PABPC4L: variants seen among roughly 807,000 people sequenced by gnomAD.
PABPC4L encodes the protein poly(A) binding protein cytoplasmic 4 like, also known as polyadenylate-binding protein 4-like.
For missense variants in PABPC4L, 452 were observed against 451.4 expected (o/e 1.00, Z -0.01); for synonymous variants, 169 against 164.1 (o/e 1.03, Z -0.23).
In PABPC4L at chr4:134,200,296, C is replaced by G. The variant is rs1729811687; in HGVS notation, c.724G>C (p.Ala242Pro). ...FGFVSFDSHEAAKKAVEEMNG... is the reference protein window; with the variant it reads ...FGFVSFDSHEPAKKAVEEMNG... ...ATTTCTTCAACAGCTTTCTTGGCAG[C>G]CTCATGGCTATCAAAACTCACAAAG... is the stretch of plus-strand genomic sequence containing the variant. The change falls in exon 2 of 2, where the codon GCT becomes CCT. Residue 242 changes from alanine to proline, a missense_variant. Physicochemically the swap from Ala to Pro is conservative, Grantham distance 27. Transcript: ENST00000421491. 11 of 1,580,798 alleles carry G rather than the reference C, an allele frequency of 7.0e-6. No individual in the cohort carries two copies. Among genetic ancestry groups the G allele is most frequent in the Non-Finnish European group, 9.5e-6 (11 of 1,161,970 alleles).
At chr4:134,017,501 G>T in the PABPC4L span, among the ~76,000 whole-genome samples, 1 of 152,144 alleles carries the variant, frequency 6.6e-6, no homozygotes, top group South Asian at 2.1e-4. Flanking sequence ...GGTTTACACT[G>T]TTTCTCCAAG....
chr4:134,026,949 C>A, the PABPC4L span, among the ~76,000 whole-genome samples: 1 of 151,936 alleles, frequency 6.6e-6, no homozygotes, highest in Non-Finnish European at 1.5e-5. Flanking sequence ...ATACCTTGAT[C>A]TAGAATTCCC....
chr4:134,113,007 T>C, the PABPC4L span, among the ~76,000 whole-genome samples: 1 of 151,714 alleles, frequency 6.6e-6, no homozygotes, highest in Non-Finnish European at 1.5e-5. Context: ...TTTTAGTTTT[T>C]AACAAAAAAG....
At chr4:134,078,401 T>C in the PABPC4L span, among the ~76,000 whole-genome samples, 85 of 152,298 alleles carry the variant, frequency 5.6e-4, no homozygotes, top group Admixed American at 4.6e-3. Context: ...AGGAAAGTGG[T>C]TATTCAAAAA....
the PABPC4L span, among the ~76,000 whole-genome samples, chr4:134,161,952 G>A: frequency 3.3e-5 from 5 of 152,170 alleles, no homozygotes; most frequent in South Asian, 1.0e-3. Context: ...GCTTTCTCTT[G>A]TTTGTGTGTT....
At chr4:133,955,975 A>G in the PABPC4L span, among the ~76,000 whole-genome samples, 9 of 152,150 alleles carry the variant, frequency 5.9e-5, no homozygotes, top group African/African-American at 2.2e-4. Context: ...GCTCTTAATC[A>G]GCCCTTTGGT....
chr4:134,026,304 C>T, the PABPC4L span, among the ~76,000 whole-genome samples: 2 of 151,586 alleles, frequency 1.3e-5, no homozygotes, highest in East Asian at 1.9e-4. Flanking sequence ...GGCACAATCT[C>T]GGCTCGCTGC....
At chr4:133,957,605 G>T in the PABPC4L span, among the ~76,000 whole-genome samples, 4 of 152,160 alleles carry the variant, frequency 2.6e-5, no homozygotes, top group African/African-American at 9.6e-5. Flanking sequence ...CTGTGTGGGG[G>T]CTCCAACCCC....
At chr4:134,019,268 AT>A in the PABPC4L span, among the ~76,000 whole-genome samples, 1 of 152,168 alleles carries the variant, frequency 6.6e-6, no homozygotes, top group Non-Finnish European at 1.5e-5. Flanking sequence ...AATTGAAAAC[AT>A]TTACATTTTG....
At chr4:134,011,366 T>C in the PABPC4L span, among the ~76,000 whole-genome samples, 1 of 152,130 alleles carries the variant, frequency 6.6e-6, no homozygotes, top group South Asian at 2.1e-4. Flanking sequence ...AGGATGCTGG[T>C]GTCATATTGT....
At chr4:134,018,810 G>C in the PABPC4L span, among the ~76,000 whole-genome samples, 77 of 152,170 alleles carry the variant, frequency 5.1e-4, no homozygotes, top group East Asian at 0.011. Context: ...TGAGTAAAAA[G>C]TAGGAAACTA....
chr4:133,989,458 T>G, the PABPC4L span, among the ~76,000 whole-genome samples: 1 of 152,220 alleles, frequency 6.6e-6, no homozygotes, highest in Non-Finnish European at 1.5e-5. Flanking sequence ...TGACTTTCAC[T>G]TGATTTCACA....
rs764928054 is a variant in PABPC4L at position 134,201,247 on chromosome 4, T to C, written c.-226-2A>G. On this transcript the variant is annotated splice_acceptor_variant, in intron 1 of 1. Coordinates refer to ENST00000421491, the MANE Select transcript of PABPC4L (RefSeq NM_001114734.2). LOFTEE classifies it low-confidence loss of function (5UTR_SPLICE). ...CCCTCCTAGGACGCGGCAACAGAAC[T>C]GTGAAATCGCAAAGAGAGATTATTA... The C allele has an allele frequency of 6.6e-7, 1 of 1,522,604 alleles. No homozygotes were observed. Among genetic ancestry groups the C allele is most frequent in the Non-Finnish European group, 8.8e-7 (1 of 1,131,780 alleles). The allele number at this position is 1,522,604 out of a possible 1,614,324, so 94.3% of individuals were successfully genotyped here. A position where few individuals can be genotyped will look rare whatever the true frequency, so the allele number is the denominator to read the frequency against.
chr4:133,951,448 G>T, the PABPC4L span, among the ~76,000 whole-genome samples: 2 of 152,036 alleles, frequency 1.3e-5, no homozygotes, highest in Non-Finnish European at 2.9e-5. Context: ...CTGATGCGGG[G>T]TGCTCACTAA....
chr4:134,102,519 C>T, the PABPC4L span, among the ~76,000 whole-genome samples: 1 of 151,452 alleles, frequency 6.6e-6, no homozygotes, highest in Non-Finnish European at 1.5e-5. Context: ...AATGTCCAGT[C>T]AACTTTGGAA....
At chr4:133,948,692 G>C in the PABPC4L span, among the ~76,000 whole-genome samples, 1 of 152,080 alleles carries the variant, frequency 6.6e-6, no homozygotes, top group Non-Finnish European at 1.5e-5. Context: ...CATTCTTTTC[G>C]AATTGGTATT....
the PABPC4L span, among the ~76,000 whole-genome samples, chr4:134,008,111 C>T: frequency 1.3e-5 from 2 of 151,606 alleles, no homozygotes; most frequent in African/African-American, 2.4e-5. Flanking sequence ...TTAAATACAG[C>T]TTTCATGAAC....
the PABPC4L span, among the ~76,000 whole-genome samples, chr4:133,970,971 G>T: frequency 6.6e-6 from 1 of 151,920 alleles, no homozygotes; most frequent in Admixed American, 6.6e-5. Flanking sequence ...ATGATATTTT[G>T]TTATAGTAGC....
the PABPC4L span, among the ~76,000 whole-genome samples, chr4:134,003,593 T>C: frequency 6.3e-3 from 959 of 152,078 alleles, 6 homozygotes; most frequent in Non-Finnish European, 9.7e-3. Context: ...TATTACTTTA[T>C]TAAAAAATAA....
Sources: allele counts gnomAD v4.1 joint callset (sites outside exome capture counted in the v4.1 genomes callset), GRCh38; gene constraint gnomAD v4.1.1; transcripts MANE v1.5; gene names NCBI Gene and HGNC (gene_info 2026-07-23, HGNC 2026-07-21).